The following PALLD variants were observed in gnomAD, a reference collection of about 807,000 sequenced individuals.
PALLD encodes the protein palladin, cytoskeletal associated protein.
In PALLD, 61 loss-of-function variants were observed where a neutral mutation model predicts 123.5. That is an observed-to-expected ratio of 0.49 (90% CI 0.40 to 0.61). The LOEUF is 0.61. Among genes scored for constraint, PALLD ranks in the 20% least tolerant of loss-of-function variants. The pLI is 0.00. For missense variants in PALLD, 1,273 were observed against 1,377.0 expected, an observed-to-expected ratio of 0.92 and a Z score of 1.20; for synonymous variants, 465 against 496.4, an observed-to-expected ratio of 0.94 and a Z score of 0.84.
intron 9 of PALLD, among the ~76,000 whole-genome samples, chr4:168,710,074 T>A (rs1784689107): frequency 6.6e-6 from 1 of 152,074 alleles, no homozygotes; most frequent in Non-Finnish European, 1.5e-5. Flanking sequence ...TTGTATAAAA[T>A]GTAATACAAG....
chr4:168,636,268 C>T (rs1285707386), intron 2 of PALLD, among the ~76,000 whole-genome samples: 5 of 152,166 alleles, frequency 3.3e-5, no homozygotes, highest in African/African-American at 1.2e-4. Context: ...AGGAAGATCA[C>T]TTGAGGCCAG....
At chr4:168,806,105 C>A (rs1740153199) in intron 10 of PALLD, among the ~76,000 whole-genome samples, 1 of 152,150 alleles carries the variant, frequency 6.6e-6, no homozygotes, top group Non-Finnish European at 1.5e-5. Flanking sequence ...CTCTGTCACC[C>A]AGGCTGGAAT....
chr4:168,694,182 A>G (rs912588919), intron 8 of PALLD, among the ~76,000 whole-genome samples: 9 of 152,234 alleles, frequency 5.9e-5, no homozygotes, highest in African/African-American at 2.2e-4. Context: ...ATATAGAAGT[A>G]TGTAGGAACC....
chr4:168,883,545 G>T (rs924582789), intron 10 of PALLD, among the ~76,000 whole-genome samples: 3 of 152,118 alleles, frequency 2.0e-5, no homozygotes, highest in Non-Finnish European at 4.4e-5. Flanking sequence ...TCTGAAATCT[G>T]CTCACAGAAT....
chr4:168,623,415 A>G (rs1774945570), intron 2 of PALLD, among the ~76,000 whole-genome samples: 1 of 152,252 alleles, frequency 6.6e-6, no homozygotes, highest in Non-Finnish European at 1.5e-5. Context: ...TATCACTTTA[A>G]TGCTCACATA....
intron 2 of PALLD, among the ~76,000 whole-genome samples, chr4:168,626,107 C>CA (rs35368159): frequency 0.17 from 24,161 of 145,972 alleles, 2,701 homozygotes; most frequent in Admixed American, 0.31. Context: ...ACTAAAAATA[C>CA]AAAAAAAAAT....
intron 2 of PALLD, among the ~76,000 whole-genome samples, chr4:168,586,153 T>TA (rs35474736): frequency 0.084 from 6,306 of 75,098 alleles, 398 homozygotes; most frequent in African/African-American, 0.17. Flanking sequence ...TCAAGAGACC[T>TA]AAAAAAAAAA....
intron 10 of PALLD, among the ~76,000 whole-genome samples, chr4:168,734,982 A>G (rs1477087862): frequency 1.3e-5 from 2 of 152,126 alleles, no homozygotes; most frequent in Admixed American, 6.5e-5. Flanking sequence ...TAGTAGTAGT[A>G]GTGTAGTAAG....
chr4:168,595,774 C>T (rs1178501754), intron 2 of PALLD, among the ~76,000 whole-genome samples: 1 of 151,962 alleles, frequency 6.6e-6, no homozygotes, highest in Non-Finnish European at 1.5e-5. Context: ...TTATTTTTGT[C>T]TGCTCAACAG....
intron 2 of PALLD, among the ~76,000 whole-genome samples, chr4:168,543,296 T>C (rs1765820683): frequency 6.7e-6 from 1 of 150,330 alleles, no homozygotes. Context: ...TGACACCTAG[T>C]TGATAGTATA....
intron 8 of PALLD, among the ~76,000 whole-genome samples, chr4:168,705,618 C>T (rs747746424): frequency 7.9e-5 from 12 of 152,092 alleles, no homozygotes; most frequent in Non-Finnish European, 1.3e-4. Flanking sequence ...CAGTGTTTTA[C>T]TTAAATTAGC....
intron 10 of PALLD, among the ~76,000 whole-genome samples, chr4:168,802,694 AT>A (rs528363189): frequency 0.038 from 5,565 of 146,170 alleles, 268 homozygotes; most frequent in African/African-American, 0.12. Flanking sequence ...TCTACATTAC[AT>A]TTTTTTTTTT....
intron 10 of PALLD, among the ~76,000 whole-genome samples, chr4:168,816,333 G>C (rs955840600): frequency 6.6e-6 from 1 of 150,670 alleles, no homozygotes; most frequent in Non-Finnish European, 1.5e-5. Flanking sequence ...GGAACCCAGA[G>C]CTTTACTTTG....
At chr4:168,653,303 A>G (rs1204755415) in intron 2 of PALLD, among the ~76,000 whole-genome samples, 3 of 152,254 alleles carry the variant, frequency 2.0e-5, no homozygotes, top group South Asian at 2.1e-4. Context: ...ACTAAAGGCT[A>G]TAGGGAGACT....
At chr4:168,706,307 T>A (rs1186428353) in intron 8 of PALLD, among the ~76,000 whole-genome samples, 2 of 152,180 alleles carry the variant, frequency 1.3e-5, no homozygotes, top group African/African-American at 4.8e-5. Context: ...ATAATTTAGA[T>A]TCAATGTAGA....
intron 10 of PALLD, among the ~76,000 whole-genome samples, chr4:168,751,733 G>A (rs756172846): frequency 6.6e-6 from 1 of 152,168 alleles, no homozygotes; most frequent in Non-Finnish European, 1.5e-5. Context: ...ACAGTAACCT[G>A]CTAGCAAATG....
chr4:168,751,279 T>G (rs1423290006), intron 10 of PALLD, among the ~76,000 whole-genome samples: 1 of 152,180 alleles, frequency 6.6e-6, no homozygotes, highest in Admixed American at 6.5e-5. Context: ...CCCAAAGTGC[T>G]GGGATTACAG....
At position 168,805,368 on chromosome 4, in the gene PALLD, G is replaced by C. The variant is rs748480713; in HGVS notation, c.1965-85554G>C. 3.3e-5 allele frequency among the ~76,000 whole-genome samples: 5 copies of C among 152,240 alleles called. No individual in the cohort carries two copies. In the South Asian group the frequency reaches 6.2e-4, roughly 19 times the overall value. The stretch of plus-strand genomic sequence containing the variant: ...TAAGCTTTGCTTTAAGGGAGGGACA[G>C]ATGTGAACCCTAATACTGGTTAGAA... On this transcript the variant is annotated intron_variant, in intron 10 of 21. Transcript: ENST00000505667.
At position 168,505,162 on chromosome 4, in the gene PALLD, C is replaced by A. The variant is rs192895617; in HGVS notation, c.-82-6261C>A. On this transcript the variant is annotated intron_variant, in intron 1 of 21. Coordinates refer to ENST00000505667, the MANE Select transcript of PALLD (RefSeq NM_001166108.2). ...CATTGAATGAGCATTTTCCCTAGAC[C>A]ACGTGCATGTTCCCGCGGCAATAAC... is the stretch of plus-strand genomic sequence containing the variant. Among the ~76,000 whole-genome samples the A allele has an allele frequency of 1.9e-3, 294 of 152,308 alleles. 4 individuals are homozygous for A. Among genetic ancestry groups the A allele is most frequent in the African/African-American group, 5.5e-3 (228 of 41,568 alleles).
Sources: gnomAD v4.1 joint callset for allele counts (sites outside exome capture counted in the v4.1 genomes callset) on GRCh38, gnomAD v4.1.1 for gene constraint, MANE v1.5 for transcripts, NCBI Gene and HGNC (gene_info 2026-07-23, HGNC 2026-07-21) for gene names.